Variants in STOX2 observed in about 807,000 individuals in gnomAD.
STOX2 encodes the protein storkhead-box protein 2.
In STOX2, 28 loss-of-function variants were observed where a neutral mutation model predicts 60.9. The ratio of observed to expected loss-of-function variants is 0.46; its 90% CI spans 0.34 to 0.63. STOX2 has a LOEUF of 0.63. Among genes scored for constraint, STOX2 ranks in the 30% least tolerant of loss-of-function variants. The pLI is 0.01. For missense variants in STOX2, 1,024 were observed against 1,187.7 expected (o/e 0.86, Z 2.03); for synonymous variants, 472 against 463.9 (o/e 1.02, Z -0.22).
intron 1 of STOX2, among the ~76,000 whole-genome samples, chr4:183,989,481 C>T (rs1197591144): frequency 1.3e-5 from 2 of 152,222 alleles, no homozygotes; most frequent in Admixed American, 6.5e-5. Flanking sequence ...GGATTACAGG[C>T]GTGAGCCACT....
intron 1 of STOX2, among the ~76,000 whole-genome samples, chr4:183,816,874 C>A (rs1739165582): frequency 6.6e-6 from 1 of 152,204 alleles, no homozygotes; most frequent in African/African-American, 2.4e-5. Context: ...TCTGCCAAAA[C>A]TTCTTTGCAG....
chr4:183,804,484 G>C (rs1483044737), intron 1 of STOX2, among the ~76,000 whole-genome samples: 1 of 152,254 alleles, frequency 6.6e-6, no homozygotes, highest in African/African-American at 2.4e-5. Flanking sequence ...CTGCAGCTGA[G>C]GTCAGAAGCA....
intron 1 of STOX2, among the ~76,000 whole-genome samples, chr4:183,996,005 A>C (rs1311703875): frequency 1.3e-5 from 2 of 152,218 alleles, no homozygotes; most frequent in South Asian, 4.1e-4. Flanking sequence ...ACATGAAAGC[A>C]GTGTCCACAT....
chr4:183,909,423 T>C (rs1242282690), intron 1 of STOX2, among the ~76,000 whole-genome samples: 1 of 152,220 alleles, frequency 6.6e-6, no homozygotes, highest in Non-Finnish European at 1.5e-5. Context: ...TTTCTGTTTG[T>C]TCAGCCATTT....
intron 1 of STOX2, among the ~76,000 whole-genome samples, chr4:183,912,114 TCTCTTC>T (rs976402395): frequency 2.0e-5 from 3 of 152,182 alleles, no homozygotes; most frequent in African/African-American, 4.8e-5. Flanking sequence ...CTAAAACCTG[TCTCTTC>T]CTCTTCATCT....
intron 1 of STOX2, among the ~76,000 whole-genome samples, chr4:183,981,685 T>G (rs1163496305): frequency 1.3e-5 from 2 of 152,198 alleles, no homozygotes; most frequent in East Asian, 3.8e-4. Flanking sequence ...AGATATTGAT[T>G]AGAACAACTT....
intron 1 of STOX2, among the ~76,000 whole-genome samples, chr4:183,936,674 A>G (rs1428681010): frequency 1.3e-5 from 2 of 152,238 alleles, no homozygotes; most frequent in Non-Finnish European, 2.9e-5. Context: ...AAAGAAGCTT[A>G]TTTAAAGGAG....
At chr4:183,917,294 G>C (rs1741959773) in intron 1 of STOX2, among the ~76,000 whole-genome samples, 1 of 152,220 alleles carries the variant, frequency 6.6e-6, no homozygotes, top group African/African-American at 2.4e-5. Flanking sequence ...CACTCACAGG[G>C]GCCCGAAGGA....
At chr4:183,845,556 C>T (rs1024950084) in intron 1 of STOX2, among the ~76,000 whole-genome samples, 1 of 152,084 alleles carries the variant, frequency 6.6e-6, no homozygotes, top group African/African-American at 2.4e-5. Context: ...GCTAATCTGG[C>T]AGCAGTTTTG....
chr4:183,984,814 C>T (rs1211042008), intron 1 of STOX2, among the ~76,000 whole-genome samples: 1 of 152,198 alleles, frequency 6.6e-6, no homozygotes, highest in East Asian at 1.9e-4. Flanking sequence ...TAAAGCTTTA[C>T]TGTAACACCG....
intron 1 of STOX2, among the ~76,000 whole-genome samples, chr4:183,960,924 C>T (rs1229506674): frequency 6.6e-6 from 1 of 152,132 alleles, no homozygotes; most frequent in Non-Finnish European, 1.5e-5. Flanking sequence ...ACGCAAAGAT[C>T]TGGAAATGTT....
intron 1 of STOX2, among the ~76,000 whole-genome samples, chr4:183,807,588 T>G (rs2111097216): frequency 6.6e-6 from 1 of 152,286 alleles, no homozygotes; most frequent in South Asian, 2.1e-4. Context: ...GCTTTATCTC[T>G]GCGGCCTTCA....
At position 184,023,243 on chromosome 4, in the gene STOX2, A is replaced by G. The variant is rs534349862; in HGVS notation, c.*5959A>G. On this transcript the variant is annotated 3_prime_UTR_variant, in exon 4 of 4. Transcript: ENST00000308497. Reference sequence around the variant, plus strand: ...TTATATTGTATAGTATTTCATATGAAATAATTACAGTTCATGAAATGTCTT... The same window carrying G: ...TTATATTGTATAGTATTTCATATGAGATAATTACAGTTCATGAAATGTCTT... The G allele has an allele frequency of 6.6e-6, 1 of 152,338 alleles. No homozygotes were observed. Among genetic ancestry groups the G allele is most frequent in the African/African-American group, 2.4e-5 (1 of 41,582 alleles). The allele number at this position is 152,338 out of a possible 1,614,324, so 9.4% of individuals were successfully genotyped here.
In STOX2 at chr4:183,951,193, C is replaced by G. The variant is rs371313495; in HGVS notation, c.166+44237C>G. Among the ~76,000 whole-genome samples, 4 of 143,376 alleles carry G rather than the reference C, an allele frequency of 2.8e-5. No homozygotes were observed. The East Asian group carries it at 6.2e-4, about 22-fold the overall frequency. 94.1% of individuals were successfully genotyped at this position (143,376 alleles called of 152,430 possible). On this transcript the variant is annotated intron_variant, in intron 1 of 3. Transcript: ENST00000308497. ...TCGCGCCACTGCACTCCAGCCTGGG[C>G]GACAGAGCGAGACTCCGTCTCAAAA...
chr4:184,011,309 T>C lies in STOX2; in HGVS notation c.2471T>C (p.Leu824Pro). ...AGGAAATTTGAAAAGAACCTCACCC[T>C]TCTTGCTCCAAAAGAAACCGACAGC... is the stretch of plus-strand genomic sequence containing the variant. ...LQRKFEKNLTLLAPKETDSSS... is the reference protein window; with the variant it reads ...LQRKFEKNLTPLAPKETDSSS... The change falls in exon 3 of 4, where the codon CTT (leucine) becomes CCT (proline). Residue 824 changes from leucine to proline, a missense_variant. Leu to Pro is a moderately conservative substitution (Grantham distance 98). Transcript: ENST00000308497. This position sits in a 1 kb window ranked among gnomAD's most constrained non-coding sequence, Gnocchi z 4.4. 1 of 1,614,000 alleles carries C rather than the reference T, an allele frequency of 6.2e-7. No homozygotes were observed. The highest frequency in any genetic ancestry group is 8.5e-7 in the Non-Finnish European group (1 of 1,179,890).
In STOX2 at chr4:183,821,135, AAG is replaced by A. The variant is rs1337455362; in HGVS notation, c.364+23084_364+23085del. ...AGAAAAAGAAAAAAGAAAAAGAAAAAAGAGATTTTTCTCTTCACGGTTCTGTT... is the reference window on the plus strand; with the variant it reads ...AGAAAAAGAAAAAAGAAAAAGAAAAAAGATTTTTCTCTTCACGGTTCTGTT... On this transcript the variant is annotated intron_variant, in intron 1 of 2. Transcript: ENST00000513034. This position sits in a 1 kb window ranked among gnomAD's most constrained non-coding sequence, Gnocchi z 4.2. 1.3e-5 allele frequency among the ~76,000 whole-genome samples: 2 copies of A among 152,070 alleles called. No individual in the cohort carries two copies. The highest frequency in any genetic ancestry group is 1.3e-4 in the Admixed American group (2 of 15,272).
intron 1 of STOX2, among the ~76,000 whole-genome samples, chr4:183,874,955 ATATAT>A (rs1560857807): frequency 1.3e-3 from 39 of 30,168 alleles, no homozygotes; most frequent in African/African-American, 3.8e-3. Flanking sequence ...AAAAAAAAAT[ATATAT>A]ATATATATAT....
chr4:183,967,779 G>A (rs958486989), intron 1 of STOX2, among the ~76,000 whole-genome samples: 3 of 152,232 alleles, frequency 2.0e-5, no homozygotes, highest in African/African-American at 7.2e-5. Context: ...TATGAAAAAT[G>A]TAGTGCCACG....
rs897734744 is a variant in STOX2 at position 184,011,692 on chromosome 4, T to C, written c.2585+269T>C. On this transcript the variant is annotated intron_variant, in intron 3 of 3. Transcript: ENST00000308497. This position sits in a 1 kb window ranked among gnomAD's most constrained non-coding sequence, Gnocchi z 4.4. Reference sequence around the variant, plus strand: ...AGTCTGATCTAACTAAAACCAATATTTCCAGTATTTTTTCTGCTACGTTCA... The same window carrying C: ...AGTCTGATCTAACTAAAACCAATATCTCCAGTATTTTTTCTGCTACGTTCA... The C allele has an allele frequency of 3.1e-5, 40 of 1,311,398 alleles. No homozygotes were observed. The African/African-American group carries it at 5.8e-4, about 19-fold the overall frequency. 81.2% of individuals were successfully genotyped at this position (1,311,398 alleles called of 1,614,324 possible).
Sources: gnomAD v4.1 joint callset for allele counts (sites outside exome capture counted in the v4.1 genomes callset) on GRCh38, gnomAD v4.1.1 for gene constraint, Gnocchi (gnomAD v3.1) non-coding constraint, MANE v1.5 for transcripts, NCBI Gene and HGNC (gene_info 2026-07-23, HGNC 2026-07-21) for gene names.